The following KRT82 variants were observed in gnomAD, a reference collection of about 807,000 sequenced individuals.
The protein encoded by KRT82 is keratin 82, also known as keratin, type II cuticular Hb2.
Under a neutral mutation model 48.0 loss-of-function variants are expected in KRT82, and 44 were observed. The ratio of observed to expected loss-of-function variants is 0.92; its 90% CI spans 0.72 to 1.18. The LOEUF (loss-of-function observed/expected upper bound fraction) is 1.18, where lower values mean the gene tolerates loss of function less well. Ranked by LOEUF, KRT82 falls within the 50% of genes most tolerant of loss-of-function variation. KRT82 has a pLI of 0.00. For synonymous variants in KRT82, 297 were observed against 278.3 expected (o/e 1.07, Z -0.67); for missense variants, 701 against 671.4 (o/e 1.04, Z -0.49).
Position 52,396,081 on chromosome 12 carries a change from A to G in KRT82, c.1220T>C (p.Met407Thr). 2 of 1,614,086 alleles carry G rather than the reference A, an allele frequency of 1.2e-6. No individual in the cohort carries two copies. Among genetic ancestry groups the G allele is most frequent in the South Asian group, 1.1e-5 (1 of 91,076 alleles). ...GATGTCCAGGCCCAGCTTGGAGTTC[A>G]TCACCTCCTGATATTCCTTGAGCAG... is the stretch of plus-strand genomic sequence containing the variant. ...ACLLKEYQEVMNSKLGLDIEI... is the reference protein window; with the variant it reads ...ACLLKEYQEVTNSKLGLDIEI... The change falls in exon 7 of 9, where the codon ATG becomes ACG. Residue 407 changes from methionine to threonine, a missense_variant. Met to Thr is a moderately conservative substitution (Grantham distance 81). Coordinates refer to ENST00000257974, the MANE Select transcript of KRT82 (RefSeq NM_033033.4).
intron 1 of KRT82, 27 bp from the exon 2 acceptor site, chr12:52,403,936 G>A: frequency 6.2e-7 from 1 of 1,605,978 alleles, no homozygotes; most frequent in East Asian, 2.2e-5. Flanking sequence ...AATATCACCA[G>A]GCAGCAGAGA....
Position 52,396,722 on chromosome 12 carries a change from C to T in KRT82, c.1068+161G>A, listed in dbSNP as rs920967736. Among the ~76,000 whole-genome samples, 4 of 152,150 alleles carry T rather than the reference C, an allele frequency of 2.6e-5. 1 individual carries two copies. Among genetic ancestry groups the T allele is most frequent in the Admixed American group, 2.0e-4 (3 of 15,288 alleles). On this transcript the variant is annotated intron_variant, in intron 6 of 8. Transcript: ENST00000257974. Reference sequence around the variant, plus strand: ...GGCTGCTCATCCTGCTGTGGGTCAGCCCTTTGGTAGAAAGGGCTTGCTTCT... The same window carrying T: ...GGCTGCTCATCCTGCTGTGGGTCAGTCCTTTGGTAGAAAGGGCTTGCTTCT...
chr12:52,396,352 C>A, intron 6 of KRT82, 120 bp from the exon 7 acceptor site: 5 of 914,902 alleles, frequency 5.5e-6, no homozygotes, highest in Non-Finnish European at 8.1e-6. Context: ...GAGCTTCATC[C>A]TAGGATTGCG....
rs1421054874 is a variant in KRT82 at position 52,403,883 on chromosome 12, C to A, written c.438G>T (p.Lys146Asn). The change falls in exon 2 of 9, where the codon AAG becomes AAT. Residue 146 changes from lysine to asparagine, a missense_variant. By Grantham distance (94) the Lys-to-Asn change is moderately conservative. Coordinates refer to ENST00000257974, the MANE Select transcript of KRT82 (RefSeq NM_033033.4). The part of the protein sequence containing the change: ...NKVRFLEQKN[K>N]LLETKWNFMQ... ...TGAAGTTCCACTTGGTCTCCAGCAG[C>A]TTGTTCTTCTGCTCCAGGAAACGGA... 4 of 1,613,846 alleles carry A rather than the reference C, an allele frequency of 2.5e-6. No homozygotes were observed. The African/African-American group carries it at 5.3e-5, about 22-fold the overall frequency.
At chr12:52,401,202 G>T in intron 3 of KRT82, 87 bp downstream of exon 3, 1 of 1,099,650 alleles carries the variant, frequency 9.1e-7, no homozygotes, top group Non-Finnish European at 1.4e-6. Flanking sequence ...GTGGGCTGCA[G>T]ACACGTTTGG....
At chr12:52,400,245 CA>C in intron 4 of KRT82, 96 bp from the exon 5 acceptor site, 36 of 1,252,330 alleles carry the variant, frequency 2.9e-5, no homozygotes, top group South Asian at 4.2e-5. Context: ...GAGCAGAGTG[CA>C]TAGAACTCTG....
rs1267022252 is a variant in KRT82 at position 52,396,137 on chromosome 12, A to C, written c.1164T>G (p.Ala388=). The change falls in exon 7 of 9, where the codon GCT becomes GCG. Residue 388 remains alanine, a synonymous_variant. Coordinates refer to ENST00000257974, the MANE Select transcript of KRT82 (RefSeq NM_033033.4). ...CCATGTCCTGCTTGGCCTTCTGCAG[A>C]GCCTCCTCCAGCCCTGCCAGCTTGC... ...AKCKLAGLEE[A]LQKAKQDMAC... 2 of 1,614,070 alleles carry C rather than the reference A, an allele frequency of 1.2e-6. No individual in the cohort carries two copies. The highest frequency in any genetic ancestry group is 1.3e-5 in the African/African-American group (1 of 74,926).
chr12:52,396,025 C>A lies in KRT82; in HGVS notation c.1276G>T (p.Gly426Cys). ...EIATYRRLLE[G>C]EEHRLCEGIG... is the part of the protein sequence containing the mutation. ...GGAGGAGCTCACCTGTGCTCTTCAC[C>A]CTCCAGCAGGCGCCTGTAGGTGGCG... The change falls in exon 7 of 9, where the codon GGT becomes TGT. Residue 426 changes from glycine to cysteine, a missense_variant. Coordinates refer to ENST00000257974, the MANE Select transcript of KRT82 (RefSeq NM_033033.4). 6.2e-7 allele frequency: 1 copy of A among 1,614,020 alleles called. No individual in the cohort carries two copies. The highest frequency in any genetic ancestry group is 8.5e-7 in the Non-Finnish European group (1 of 1,180,018).
In KRT82 at chr12:52,395,191, C is replaced by T. The variant is rs769457492; in HGVS notation, c.1326G>A (p.Val442=). Residue 442 remains valine, a synonymous_variant, in exon 9 of 9, where the codon GTG becomes GTA. Transcript: ENST00000257974. ...ACAGGAAGGCGCCTTTGGAGCTGCT[C>T]ACTGCTGTGGGAACAGGAAGGGGTG... ...CEGIGPVNIS[V]SSSKGAFLYE... is the part of the protein sequence containing the mutation. 6.2e-6 allele frequency: 10 copies of T among 1,613,546 alleles called. No homozygotes were observed. The South Asian group carries it at 7.7e-5, about 12-fold the overall frequency.
chr12:52,395,817 G>A, intron 7 of KRT82, 27 bp from the exon 8 acceptor site: 2 of 1,522,224 alleles, frequency 1.3e-6, no homozygotes, highest in South Asian at 1.3e-5. Context: ...AAAGAAAACA[G>A]GTATCTACAT....
intron 3 of KRT82, 37 bp from the exon 4 acceptor site, chr12:52,400,659 GCCA>G: frequency 6.7e-7 from 1 of 1,488,914 alleles, no homozygotes; most frequent in African/African-American, 1.4e-5. Flanking sequence ...ACCTGGCTGG[GCCA>G]CCTCCCAGGC....
chr12:52,396,411 C>T (rs1226511264), intron 6 of KRT82, among the ~76,000 whole-genome samples, 179 bp from the exon 7 acceptor site: 1 of 152,198 alleles, frequency 6.6e-6, no homozygotes, highest in Admixed American at 6.5e-5. Context: ...TCTAAAATAC[C>T]TCCAAGAGAG....
intron 6 of KRT82, among the ~76,000 whole-genome samples, chr12:52,396,632 C>T (rs1342596019): frequency 3.3e-5 from 5 of 152,210 alleles, no homozygotes; most frequent in Non-Finnish European, 7.3e-5. Flanking sequence ...CCTAGTGAAG[C>T]ATCCTTGCTT....
At chr12:52,397,099 C>G in intron 5 of KRT82, 91 bp from the exon 6 acceptor site, 1 of 1,497,708 alleles carries the variant, frequency 6.7e-7, no homozygotes, top group East Asian at 2.3e-5. Flanking sequence ...TCTCCCGTGA[C>G]TTCCTAGTTC....
At position 52,395,186 on chromosome 12, in the gene KRT82, C is replaced by T. The variant is rs781622951; in HGVS notation, c.1331G>A (p.Ser444Asn). The change falls in exon 9 of 9, where the codon AGC (serine) becomes AAC (asparagine). Residue 444 changes from serine (S) to asparagine (N), a missense_variant. Physicochemically the swap from Ser to Asn is conservative, Grantham distance 46 (BLOSUM62 1). Transcript: ENST00000257974. ...GIGPVNISVS[S>N]SKGAFLYEPC... ...CTCGTACAGGAAGGCGCCTTTGGAGCTGCTCACTGCTGTGGGAACAGGAAG... is the reference window on the plus strand; with the variant it reads ...CTCGTACAGGAAGGCGCCTTTGGAGTTGCTCACTGCTGTGGGAACAGGAAG... 2 of 1,613,680 alleles carry T rather than the reference C, an allele frequency of 1.2e-6. No homozygotes were observed. Among genetic ancestry groups the T allele is most frequent in the South Asian group, 1.1e-5 (1 of 91,024 alleles).
rs1224118735 is a variant in KRT82 at position 52,405,889 on chromosome 12, C to T, written c.389G>A (p.Arg130His). ...EKEQIKCLNN[R>H]FASFINKVRF... is the part of the protein sequence containing the mutation. ...TACCTTGTTGATGAAAGATGCGAAA[C>T]GGTTGTTGAGGCACTTGATCTGCTC... Residue 130 changes from arginine (R) to histidine (H), a missense_variant, in exon 1 of 9, where the codon CGT becomes CAT. Arg to His is a conservative substitution (Grantham distance 29, BLOSUM62 0). Transcript: ENST00000257974. 8.1e-6 allele frequency: 13 copies of T among 1,612,460 alleles called. No individual in the cohort carries two copies. The highest frequency in any genetic ancestry group is 4.0e-5 in the African/African-American group (3 of 74,902).
chr12:52,400,257 C>T, intron 4 of KRT82, 108 bp from the exon 5 acceptor site: 5 of 1,156,304 alleles, frequency 4.3e-6, no homozygotes, highest in African/African-American at 1.5e-5. Context: ...TAGAACTCTG[C>T]TATGGCTGTT....
At chr12:52,395,257 G>A (rs983807876) in intron 8 of KRT82, 62 bp from the exon 9 acceptor site, 1 of 1,395,618 alleles carries the variant, frequency 7.2e-7, no homozygotes, top group African/African-American at 1.4e-5. Flanking sequence ...GTACTGCCCT[G>A]AAACTACTCA....
intron 2 of KRT82, among the ~76,000 whole-genome samples, chr12:52,403,332 G>A (rs748522244): frequency 8.5e-5 from 13 of 152,190 alleles, no homozygotes; most frequent in Non-Finnish European, 1.5e-4. Flanking sequence ...ACAAAAGCCC[G>A]GAGGGAAGAG....
Sources: gnomAD v4.1 joint callset for allele counts (sites outside exome capture counted in the v4.1 genomes callset) on GRCh38, gnomAD v4.1.1 for gene constraint, MANE v1.5 for transcripts, NCBI Gene and HGNC (gene_info 2026-07-23, HGNC 2026-07-21) for gene names.